Variants in RABGAP1L observed in about 807,000 individuals in gnomAD.
RABGAP1L encodes the protein rab GTPase-activating protein 1-like.
RABGAP1L carries 63 observed loss-of-function variants against 137.7 expected under a neutral mutation model. The observed-to-expected ratio is 0.46, with a 90% CI of 0.37 to 0.56. RABGAP1L has a LOEUF of 0.56. Ranked by LOEUF, RABGAP1L falls within the 20% of genes least tolerant of loss-of-function variation. The pLI, the probability that RABGAP1L is intolerant of heterozygous loss-of-function variation, is 0.00. For missense variants in RABGAP1L, 1,095 were observed against 1,244.0 expected, an observed-to-expected ratio of 0.88 and a Z score of 1.80; for synonymous variants, 431 against 433.7, an observed-to-expected ratio of 0.99 and a Z score of 0.08.
chr1:174,308,694 A>G (rs1004374872), intron 11 of RABGAP1L, among the ~76,000 whole-genome samples: 4 of 152,040 alleles, frequency 2.6e-5, no homozygotes, highest in East Asian at 3.9e-4. Context: ...CTCTAAATAC[A>G]TGGAATTATT....
Position 174,193,859 on chromosome 1 carries a change from A to T in RABGAP1L, c.-33-25266A>T, listed in dbSNP as rs112071020. On this transcript the variant is annotated intron_variant, in intron 1 of 25. Coordinates refer to ENST00000681986, the MANE Select transcript of RABGAP1L (RefSeq NM_001366446.1). ...TAAAACATGATATTTTGATATACAT[A>T]TACATAGTTAAATGATTACTACAGT... Among the ~76,000 whole-genome samples, 186 of 152,334 alleles carry T rather than the reference A, an allele frequency of 1.2e-3. 1 individual carries two copies. The highest frequency in any genetic ancestry group is 4.0e-3 in the African/African-American group (167 of 41,576).
chr1:174,632,266 G>A (rs1160594589), intron 13 of RABGAP1L, among the ~76,000 whole-genome samples: 1 of 146,886 alleles, frequency 6.8e-6, no homozygotes, highest in Non-Finnish European at 1.5e-5. Flanking sequence ...GAGATCCGCT[G>A]TTAGTCTGAT....
intron 3 of RABGAP1L, among the ~76,000 whole-genome samples, chr1:174,230,910 A>G (rs1041474516): frequency 6.6e-6 from 1 of 152,044 alleles, no homozygotes; most frequent in African/African-American, 2.4e-5. Context: ...TAATATTTTG[A>G]GAGATTCAAA....
At chr1:174,804,764 G>A (rs1265586508) in intron 18 of RABGAP1L, among the ~76,000 whole-genome samples, 3 of 152,166 alleles carry the variant, frequency 2.0e-5, no homozygotes, top group African/African-American at 7.2e-5. Flanking sequence ...AAATGATCTA[G>A]CTGTCCCTTT....
Position 174,552,551 on chromosome 1 carries a change from A to G in RABGAP1L, c.1711-84824A>G, listed in dbSNP as rs529319730. ...GTATTCCATGGTGTATATGTACACC[A>G]TGGAAAGAATGAGATAAAAAAGAAT... On this transcript the variant is annotated intron_variant, in intron 13 of 25. Transcript: ENST00000681986. 5.6e-4 allele frequency among the ~76,000 whole-genome samples: 86 copies of G among 152,226 alleles called. No homozygotes were observed. The South Asian group carries it at 0.012, about 22-fold the overall frequency.
chr1:174,299,254 C>T lies in RABGAP1L; in HGVS notation c.1324-5732C>T, dbSNP rs528781516. 1.6e-4 allele frequency among the ~76,000 whole-genome samples: 24 copies of T among 152,296 alleles called. No individual in the cohort carries two copies. In the South Asian group the frequency reaches 5.0e-3, roughly 32 times the overall value. On this transcript the variant is annotated intron_variant, in intron 10 of 25. Transcript: ENST00000681986. ...CTAATCATGGGTTTGTATCCTCAAA[C>T]ACTTGTGAGTTGGGTGATTCTCTCC...
chr1:174,714,917 T>C (rs1369241309), intron 17 of RABGAP1L, among the ~76,000 whole-genome samples: 5 of 152,200 alleles, frequency 3.3e-5, no homozygotes, highest in African/African-American at 7.2e-5. Flanking sequence ...AGACATTTGA[T>C]AAATGTAATA....
chr1:174,175,139 A>G (rs1665726697), intron 1 of RABGAP1L, among the ~76,000 whole-genome samples: 1 of 114,376 alleles, frequency 8.7e-6, no homozygotes, highest in Admixed American at 8.1e-5. Flanking sequence ...CATAGATTTA[A>G]TTTTCTTGTA....
intron 10 of RABGAP1L, among the ~76,000 whole-genome samples, chr1:174,286,080 C>T (rs1210635631): frequency 1.3e-5 from 2 of 152,162 alleles, no homozygotes; most frequent in African/African-American, 4.8e-5. Flanking sequence ...CAGGGTAATG[C>T]TGGCCCCATG....
chr1:174,397,609 A>G (rs780888958), intron 13 of RABGAP1L, among the ~76,000 whole-genome samples: 24 of 152,190 alleles, frequency 1.6e-4, no homozygotes, highest in Non-Finnish European at 2.9e-4. Context: ...CTTTTTTGAA[A>G]TAGTTTACCT....
chr1:174,941,315 G>C (rs983669516), intron 19 of RABGAP1L, among the ~76,000 whole-genome samples: 1 of 152,094 alleles, frequency 6.6e-6, no homozygotes, highest in Admixed American at 6.5e-5. Flanking sequence ...ATAGTGTAAG[G>C]GTAGTTGTTT....
At position 174,783,475 on chromosome 1, in the gene RABGAP1L, A is replaced by C. The variant is rs183867696; in HGVS notation, c.2212-28357A>C. Among the ~76,000 whole-genome samples the C allele has an allele frequency of 4.7e-4, 72 of 152,262 alleles. 1 individual carries two copies. The East Asian group carries it at 0.013, about 28-fold the overall frequency. On this transcript the variant is annotated intron_variant, in intron 18 of 25. Transcript: ENST00000681986. Reference sequence around the variant, plus strand: ...GCCGCCCGTAACAGTATGAGGGAGTACCAGATAAGAAATCTAAATACATTC... The same window carrying C: ...GCCGCCCGTAACAGTATGAGGGAGTCCCAGATAAGAAATCTAAATACATTC...
chr1:174,963,091 T>A (rs1352001056), intron 20 of RABGAP1L, among the ~76,000 whole-genome samples: 2 of 150,298 alleles, frequency 1.3e-5, no homozygotes, highest in African/African-American at 2.5e-5. Context: ...AGAGCAAGAC[T>A]CCGTCTCAAA....
chr1:174,414,780 G>GT (rs1446277115), intron 13 of RABGAP1L, among the ~76,000 whole-genome samples: 9 of 151,802 alleles, frequency 5.9e-5, no homozygotes, highest in East Asian at 5.8e-4. Flanking sequence ...ATACAAACTA[G>GT]TTTTTTTCAC....
rs1302394145 is a variant in RABGAP1L at position 174,574,016 on chromosome 1, A to G, written c.1711-63359A>G. Among the ~76,000 whole-genome samples the G allele has an allele frequency of 2.6e-5, 4 of 152,242 alleles. No homozygotes were observed. In the South Asian group the frequency reaches 6.2e-4, roughly 24 times the overall value. On this transcript the variant is annotated intron_variant, in intron 13 of 25. Coordinates refer to ENST00000681986, the MANE Select transcript of RABGAP1L (RefSeq NM_001366446.1). ...AAATGTCTCTGAGCAGCCAGCCTTC[A>G]GTAGTTGAGAATGCTGATTAACATA...
chr1:174,449,532 T>C (rs1012207117), intron 13 of RABGAP1L, among the ~76,000 whole-genome samples: 2 of 152,242 alleles, frequency 1.3e-5, no homozygotes, highest in Non-Finnish European at 2.9e-5. Flanking sequence ...TCTGTCTGAC[T>C]GTACCCTGCC....
intron 19 of RABGAP1L, among the ~76,000 whole-genome samples, chr1:174,893,966 T>C (rs1233865792): frequency 6.6e-6 from 1 of 152,156 alleles, no homozygotes; most frequent in African/African-American, 2.4e-5. Context: ...CAAAACCTTT[T>C]TTCCTCTGTA....
At position 174,992,684 on chromosome 1, in the gene RABGAP1L, G is replaced by A. The variant is rs370828352; in HGVS notation, c.*2683G>A. ...AAAGAAAATTCAGAATTTGGTATGT[G>A]ATATGATTGTTCATACAATATGTTA... On this transcript the variant is annotated 3_prime_UTR_variant, in exon 26 of 26. Transcript: ENST00000681986. The A allele has an allele frequency of 1.3e-4, 20 of 152,232 alleles. 1 individual carries two copies. Among genetic ancestry groups the A allele is most frequent in the African/African-American group, 4.8e-4 (20 of 41,526 alleles). 9.4% of individuals were successfully genotyped at this position (152,232 alleles called of 1,614,324 possible).
chr1:174,726,533 T>A (rs1681998185), intron 17 of RABGAP1L, among the ~76,000 whole-genome samples: 1 of 152,054 alleles, frequency 6.6e-6, no homozygotes, highest in African/African-American at 2.4e-5. Flanking sequence ...ATTGCTAGGA[T>A]AAAGAGAGGG....
Sources: gnomAD v4.1 joint callset for allele counts (sites outside exome capture counted in the v4.1 genomes callset) on GRCh38, gnomAD v4.1.1 for gene constraint, MANE v1.5 for transcripts, NCBI Gene and HGNC (gene_info 2026-07-23, HGNC 2026-07-21) for gene names.